MYB: variants seen among roughly 807,000 people sequenced by gnomAD.
The protein encoded by MYB is transcriptional activator Myb.
Under a neutral mutation model 92.9 loss-of-function variants are expected in MYB, and 28 were observed. That is an observed-to-expected ratio of 0.30 (90% CI 0.22 to 0.41). The LOEUF (loss-of-function observed/expected upper bound fraction) is 0.41, where lower values mean the gene tolerates loss of function less well. Ranked by LOEUF, MYB falls within the 10% of genes least tolerant of loss-of-function variation. MYB has a pLI of 1.00. For synonymous variants in MYB, 295 were observed against 329.1 expected (o/e 0.90, Z 1.12); for missense variants, 679 against 929.3 (o/e 0.73, Z 3.50).
chr6:135,187,797 A>G (rs1340800671), intron 2 of MYB, 37 bp from the exon 3 acceptor site: 4 of 1,455,328 alleles, frequency 2.7e-6, no homozygotes, highest in Non-Finnish European at 2.9e-6. Flanking sequence ...TATATAGTAA[A>G]TAACTGATAT....
intron 3 of MYB, 66 bp downstream of exon 3, chr6:135,187,971 TAGG>T: frequency 8.4e-7 from 1 of 1,190,056 alleles, no homozygotes. Context: ...TAAAATATTC[TAGG>T]AGGAGTTATT....
At position 135,181,556 on chromosome 6, in the gene MYB, G is replaced by A; in HGVS notation, c.23+20G>A. ...GCACAGGTAACGGGGAGCCGGGCGG[G>A]CGGCCGAGGGCGGGGGCGCGCGGGG... On this transcript the variant is annotated intron_variant, in intron 1 of 15. Transcript: ENST00000341911. The surrounding 1 kb of genome is among the most constrained non-coding windows in gnomAD (Gnocchi z 5.3). 1 of 1,160,068 alleles carries A rather than the reference G, an allele frequency of 8.6e-7. No individual in the cohort carries two copies. Among genetic ancestry groups the A allele is most frequent in the African/African-American group, 1.6e-5 (1 of 61,752 alleles). The allele number at this position is 1,160,068 out of a possible 1,614,324, so 71.9% of individuals were successfully genotyped here.
At chr6:135,216,588 T>G (rs1360337081) in intron 15 of MYB, among the ~76,000 whole-genome samples, 1 of 152,192 alleles carries the variant, frequency 6.6e-6, no homozygotes, top group Non-Finnish European at 1.5e-5. Context: ...CAATTATTTT[T>G]TTCTGAATAT....
chr6:135,192,129 G>A (rs1776710852), intron 5 of MYB, among the ~76,000 whole-genome samples, 195 bp from the exon 6 acceptor site: 1 of 152,164 alleles, frequency 6.6e-6, no homozygotes, highest in Non-Finnish European at 1.5e-5. Context: ...TCCAGATTGT[G>A]TAACTAAGAG....
At position 135,201,722 on chromosome 6, in the gene MYB, G is replaced by A. The variant is rs1213873039; in HGVS notation, c.2034G>A (p.Thr678=). ...EGDSLNTQLF[T]QTSPVADAPN... is the part of the protein sequence containing the mutation. ...ACAGTCTGAATACCCAACTGTTCAC[G>A]CAGACCTCGCCTGTGGCAGATGCAC... Residue 678 remains threonine (T), a synonymous_variant, in exon 14 of 16, where the codon ACG becomes ACA. Coordinates refer to ENST00000341911, the MANE Select transcript of MYB (RefSeq NM_001130173.2). 13 of 1,538,110 alleles carry A rather than the reference G, an allele frequency of 8.5e-6. No individual in the cohort carries two copies. Among genetic ancestry groups the A allele is most frequent in the Non-Finnish European group, 1.1e-5 (13 of 1,134,158 alleles).
intron 15 of MYB, among the ~76,000 whole-genome samples, chr6:135,213,276 A>G (rs1372936220): frequency 6.6e-6 from 1 of 152,138 alleles, no homozygotes; most frequent in Admixed American, 6.5e-5. Flanking sequence ...TGGAATTTGG[A>G]TATTTCATTT....
chr6:135,209,219 T>C (rs1401764355), intron 15 of MYB, among the ~76,000 whole-genome samples: 15 of 152,098 alleles, frequency 9.9e-5, no homozygotes, highest in Admixed American at 9.8e-4. Flanking sequence ...TGGTTTGTCA[T>C]TGAGATACAA....
intron 15 of MYB, among the ~76,000 whole-genome samples, chr6:135,214,231 C>T (rs138003421): frequency 1.4e-4 from 21 of 151,864 alleles, no homozygotes; most frequent in South Asian, 1.2e-3. Flanking sequence ...GCTGTGATCA[C>T]GCCCCTGCAC....
intron 15 of MYB, among the ~76,000 whole-genome samples, chr6:135,217,281 A>G (rs914486848): frequency 6.6e-6 from 1 of 151,944 alleles, no homozygotes; most frequent in African/African-American, 2.4e-5. Flanking sequence ...AGGTAGGAGG[A>G]TCACTTGAGC....
At chr6:135,196,152 T>G in intron 9 of MYB, 150 bp downstream of exon 9, 2 of 859,638 alleles carry the variant, frequency 2.3e-6, no homozygotes, top group East Asian at 2.7e-5. Flanking sequence ...ATGAATATGT[T>G]TTTTCAAAGA....
intron 15 of MYB, among the ~76,000 whole-genome samples, chr6:135,204,685 TG>T (rs1365514694): frequency 3.9e-5 from 6 of 152,244 alleles, no homozygotes; most frequent in Non-Finnish European, 7.3e-5. Flanking sequence ...GGCCTCTCTC[TG>T]ACAGCAATTG....
rs146834996 is a variant in MYB at position 135,217,319 on chromosome 6, T to C, written c.2170-545T>C. 7.9e-5 allele frequency among the ~76,000 whole-genome samples: 12 copies of C among 151,804 alleles called. No individual in the cohort carries two copies. In the East Asian group the frequency reaches 2.1e-3, roughly 27 times the overall value. On this transcript the variant is annotated intron_variant, in intron 15 of 15. Transcript: ENST00000341911. The stretch of plus-strand genomic sequence containing the variant: ...AGGAGGCTGAGGCTACAGTGAGCTG[T>C]GATTGCACCAATACCGATCAGCCTG...
At chr6:135,193,808 C>G (rs762797465) in intron 6 of MYB, 30 bp from the exon 7 acceptor site, 7 of 1,508,948 alleles carry the variant, frequency 4.6e-6, no homozygotes, top group African/African-American at 2.8e-5. Flanking sequence ...CCCTGAATGA[C>G]GTGGCCTTTG....
chr6:135,217,127 G>A (rs1029268174), intron 15 of MYB, among the ~76,000 whole-genome samples: 1 of 152,140 alleles, frequency 6.6e-6, no homozygotes, highest in Non-Finnish European at 1.5e-5. Context: ...TCAGCACTTT[G>A]GGAGGCCAAG....
rs552951024 is a variant in MYB at position 135,182,567 on chromosome 6, C to A, written c.23+1031C>A. 1.3e-5 allele frequency among the ~76,000 whole-genome samples: 2 copies of A among 151,772 alleles called. No individual in the cohort carries two copies. The highest frequency in any genetic ancestry group is 2.4e-5 in the African/African-American group (1 of 41,298). On this transcript the variant is annotated intron_variant, in intron 1 of 15. Coordinates refer to ENST00000341911, the MANE Select transcript of MYB (RefSeq NM_001130173.2). The surrounding 1 kb of genome is among the most constrained non-coding windows in gnomAD (Gnocchi z 5.6). ...CCTGCGCGGCGCGCACACGTGGATG[C>A]GGCTGAGGTCGCCGCGCCTTCTCGC...
chr6:135,198,796 T>C, intron 10 of MYB, 112 bp from the exon 11 acceptor site: 2 of 814,612 alleles, frequency 2.5e-6, no homozygotes, highest in Non-Finnish European at 3.8e-6. Flanking sequence ...TCTTTATTAT[T>C]TAATATAGTG....
At chr6:135,194,493 A>C in intron 8 of MYB, 33 bp downstream of exon 8, 1 of 1,500,920 alleles carries the variant, frequency 6.7e-7, no homozygotes, top group East Asian at 2.3e-5. Context: ...GAATGAGGGG[A>C]TAGCAGCTTT....
intron 2 of MYB, 137 bp from the exon 3 acceptor site, chr6:135,187,697 A>G (rs878977589): frequency 6.4e-6 from 3 of 465,860 alleles, no homozygotes; most frequent in Non-Finnish European, 7.5e-6. Context: ...CCAAGTCCGT[A>G]TATTACATTA....
chr6:135,209,966 CG>C (rs1478821801), intron 15 of MYB, among the ~76,000 whole-genome samples: 1 of 152,142 alleles, frequency 6.6e-6, no homozygotes. Context: ...GCCTAGAAAG[CG>C]TGCATTTGTG....
Sources: allele counts gnomAD v4.1 joint callset (sites outside exome capture counted in the v4.1 genomes callset), GRCh38; gene constraint gnomAD v4.1.1; non-coding constraint Gnocchi (gnomAD v3.1); transcripts MANE v1.5; gene names NCBI Gene and HGNC (gene_info 2026-07-23, HGNC 2026-07-21).